EYS: variants seen among roughly 807,000 people sequenced by gnomAD.
EYS encodes the protein EGF-like photoreceptor maintenance factor.
A neutral mutation model predicts 282.1 loss-of-function variants in EYS; 250 were observed. That is an observed-to-expected ratio of 0.89 (90% CI 0.80 to 0.98). The LOEUF (loss-of-function observed/expected upper bound fraction) is 0.98, where lower values mean the gene tolerates loss of function less well. EYS is among the 50% of genes least tolerant of loss of function. EYS has a pLI of 0.00. For synonymous variants in EYS, 1,355 were observed against 1,282.9 expected (o/e 1.06, Z -1.20); for missense variants, 4,016 against 3,709.0 (o/e 1.08, Z -2.15).
At chr6:64,676,345 T>C (rs1032235297) in intron 22 of EYS, among the ~76,000 whole-genome samples, 1 of 142,374 alleles carries the variant, frequency 7.0e-6, no homozygotes, top group Non-Finnish European at 1.5e-5. Context: ...TATCTATATA[T>C]ATATATAGAG....
chr6:64,834,928 A>C (rs557398092), intron 19 of EYS, among the ~76,000 whole-genome samples: 1 of 151,948 alleles, frequency 6.6e-6, no homozygotes, highest in South Asian at 2.1e-4. Flanking sequence ...ATTGAGAGAC[A>C]GTCCAATATC....
At chr6:65,685,558 A>C (rs1170102535) in intron 1 of EYS, among the ~76,000 whole-genome samples, 2 of 152,032 alleles carry the variant, frequency 1.3e-5, no homozygotes, top group African/African-American at 4.8e-5. Flanking sequence ...AAAGTAAAGT[A>C]TTTTCCTATT....
At chr6:64,702,658 T>G (rs1770832154) in intron 22 of EYS, among the ~76,000 whole-genome samples, 1 of 152,138 alleles carries the variant, frequency 6.6e-6, no homozygotes, top group Admixed American at 6.6e-5. Context: ...CATTCAAGTT[T>G]ATACTATCAA....
At chr6:65,189,600 C>T (rs1246342441) in intron 12 of EYS, among the ~76,000 whole-genome samples, 3 of 151,712 alleles carry the variant, frequency 2.0e-5, no homozygotes, top group Admixed American at 6.6e-5. Context: ...TGGACCTTTT[C>T]TTTTACGTTA....
chr6:65,659,268 A>G (rs1767927206), intron 1 of EYS, among the ~76,000 whole-genome samples: 2 of 151,762 alleles, frequency 1.3e-5, no homozygotes, highest in Non-Finnish European at 3.0e-5. Context: ...GATTAACAAA[A>G]GGAAACTTTG....
At chr6:64,214,038 C>T (rs1380631103) in intron 31 of EYS, among the ~76,000 whole-genome samples, 1 of 152,064 alleles carries the variant, frequency 6.6e-6, no homozygotes, top group Non-Finnish European at 1.5e-5. Context: ...CTTTTTATCA[C>T]CTCTACAAAA....
rs144082659 is a variant in EYS at position 65,327,700 on chromosome 6, A to T, written c.1766+7280T>A. On this transcript the variant is annotated intron_variant, in intron 11 of 42. Coordinates refer to ENST00000503581, the MANE Select transcript of EYS (RefSeq NM_001142800.2). ...ATTCCCTAACTCTAATATAAAAAGTATAAGAGACCACTAATTTACAAGACC... is the reference window on the plus strand; with the variant it reads ...ATTCCCTAACTCTAATATAAAAAGTTTAAGAGACCACTAATTTACAAGACC... Among the ~76,000 whole-genome samples the T allele has an allele frequency of 3.4e-4, 51 of 151,748 alleles. 1 individual carries two copies. The highest frequency in any genetic ancestry group is 1.2e-3 in the African/African-American group (51 of 41,544).
At chr6:65,669,847 G>GA (rs1456712771) in intron 1 of EYS, among the ~76,000 whole-genome samples, 4 of 151,752 alleles carry the variant, frequency 2.6e-5, no homozygotes, top group African/African-American at 9.7e-5. Flanking sequence ...GCATGATCTG[G>GA]AAAAAATGGG....
chr6:64,306,864 A>T, intron 30 of EYS, 106 bp downstream of exon 30: 2 of 663,318 alleles, frequency 3.0e-6, no homozygotes, highest in Non-Finnish European at 5.2e-6. Flanking sequence ...AAAAACAAAG[A>T]AACGAAATAT....
At chr6:64,841,891 C>T (rs376593582) in intron 19 of EYS, among the ~76,000 whole-genome samples, 3 of 152,146 alleles carry the variant, frequency 2.0e-5, no homozygotes, top group African/African-American at 7.2e-5. Context: ...ATTAACTTCT[C>T]ATACCCAATT....
chr6:64,943,957 TAA>T (rs1181475142), intron 15 of EYS, among the ~76,000 whole-genome samples: 2 of 151,968 alleles, frequency 1.3e-5, no homozygotes, highest in African/African-American at 4.8e-5. Context: ...AAACTATACG[TAA>T]GTCTACAGTA....
At chr6:64,490,273 A>G (rs1213718637) in intron 26 of EYS, among the ~76,000 whole-genome samples, 1 of 150,950 alleles carries the variant, frequency 6.6e-6, no homozygotes, top group Non-Finnish European at 1.5e-5. Flanking sequence ...AATATTGAGC[A>G]TCTACCATAT....
intron 12 of EYS, among the ~76,000 whole-genome samples, chr6:65,126,283 A>G (rs538184011): frequency 1.1e-4 from 16 of 152,192 alleles, no homozygotes; most frequent in Non-Finnish European, 1.9e-4. Flanking sequence ...ACTTTAGCAC[A>G]CGAATGTGCT....
intron 12 of EYS, among the ~76,000 whole-genome samples, chr6:65,113,449 A>C (rs1425055235): frequency 6.6e-6 from 1 of 151,996 alleles, no homozygotes; most frequent in Non-Finnish European, 1.5e-5. Flanking sequence ...GTCACATAAT[A>C]ATGCTTTTGA....
chr6:64,405,658 A>T (rs1773683186), intron 28 of EYS, among the ~76,000 whole-genome samples: 1 of 152,298 alleles, frequency 6.6e-6, no homozygotes, highest in Middle Eastern at 3.4e-3. Context: ...ATGTGCAAAA[A>T]TCACAAGCAT....
chr6:64,125,492 A>G (rs1773747859), intron 31 of EYS, among the ~76,000 whole-genome samples: 1 of 151,964 alleles, frequency 6.6e-6, no homozygotes, highest in Admixed American at 6.6e-5. Flanking sequence ...AAAAGTCGTC[A>G]ACTGTCGGCC....
intron 14 of EYS, among the ~76,000 whole-genome samples, chr6:64,959,390 T>C (rs143868670): frequency 6.6e-6 from 1 of 152,336 alleles, no homozygotes; most frequent in Non-Finnish European, 1.5e-5. Flanking sequence ...TAAGTGTTTT[T>C]TTCTTTTCCT....
intron 1 of EYS, among the ~76,000 whole-genome samples, chr6:65,706,097 TATTC>T (rs1393780893): frequency 6.6e-6 from 1 of 151,704 alleles, no homozygotes; most frequent in Non-Finnish European, 1.5e-5. Context: ...CATGCTTCAA[TATTC>T]ATTTCATATG....
intron 1 of EYS, among the ~76,000 whole-genome samples, chr6:65,706,523 T>C (rs1223216519): frequency 6.6e-6 from 1 of 150,450 alleles, no homozygotes; most frequent in Non-Finnish European, 1.5e-5. Context: ...AAATAAATAA[T>C]CACACTACAG....
Sources: allele counts gnomAD v4.1 joint callset (sites outside exome capture counted in the v4.1 genomes callset), GRCh38; gene constraint gnomAD v4.1.1; transcripts MANE v1.5; gene names NCBI Gene and HGNC (gene_info 2026-07-23, HGNC 2026-07-21).